The following CCDC88C variants were observed in gnomAD, a reference collection of about 807,000 sequenced individuals.
The protein encoded by CCDC88C is protein Daple.
Under a neutral mutation model 198.8 loss-of-function variants are expected in CCDC88C, and 131 were observed. The observed-to-expected ratio is 0.66, with a 90% CI of 0.57 to 0.76. The LOEUF (loss-of-function observed/expected upper bound fraction) is 0.76. Ranked by LOEUF, CCDC88C falls within the 30% of genes least tolerant of loss-of-function variation. The probability of loss-of-function intolerance (pLI) is 0.00; values close to 1 mark genes in which losing one functional copy is unlikely to be tolerated. For missense variants in CCDC88C, 2,553 were observed against 2,631.6 expected, an observed-to-expected ratio of 0.97 and a Z score of 0.65; for synonymous variants, 1,166 against 1,114.7, an observed-to-expected ratio of 1.05 and a Z score of -0.92.
chr14:91,379,846 C>T (rs1702549628), intron 3 of CCDC88C: 1 of 702,940 alleles, frequency 1.4e-6, no homozygotes, highest in African/African-American at 1.7e-5. Flanking sequence ...AACGCTGTGT[C>T]TGCCCGCAAG....
chr14:91,327,819 C>T (rs934505670), intron 10 of CCDC88C, among the ~76,000 whole-genome samples: 2 of 152,184 alleles, frequency 1.3e-5, no homozygotes, highest in Non-Finnish European at 2.9e-5. Flanking sequence ...TCACTACCCT[C>T]AGGCCCTGAG....
At chr14:91,399,088 C>T (rs1218444595) in intron 3 of CCDC88C, among the ~76,000 whole-genome samples, 2 of 152,166 alleles carry the variant, frequency 1.3e-5, no homozygotes, top group African/African-American at 4.8e-5. Flanking sequence ...TGGGGAGTCC[C>T]ATGTGCTCTG....
chr14:91,302,090 A>C (rs1022920540), intron 20 of CCDC88C, among the ~76,000 whole-genome samples: 3 of 152,178 alleles, frequency 2.0e-5, no homozygotes, highest in Admixed American at 2.0e-4. Flanking sequence ...TAGAGACAAA[A>C]AGGAAGCACT....
intron 13 of CCDC88C, among the ~76,000 whole-genome samples, chr14:91,316,329 C>T (rs888442163): frequency 6.6e-5 from 10 of 152,198 alleles, no homozygotes; most frequent in African/African-American, 1.9e-4. Context: ...CCCACCTGTT[C>T]GCAGCCCTCC....
At chr14:91,293,855 T>C (rs1890879407) in intron 23 of CCDC88C, among the ~76,000 whole-genome samples, 1 of 152,232 alleles carries the variant, frequency 6.6e-6, no homozygotes, top group African/African-American at 2.4e-5. Flanking sequence ...AGCCTTCAGT[T>C]TGAATTCTCC....
chr14:91,298,545 T>A (rs1310897067), intron 21 of CCDC88C, among the ~76,000 whole-genome samples: 3 of 150,604 alleles, frequency 2.0e-5, no homozygotes, highest in Non-Finnish European at 3.0e-5. Context: ...AAAAAAAAAA[T>A]TTAGTGGCCA....
intron 2 of CCDC88C, 141 bp downstream of exon 2, chr14:91,416,597 T>C (rs1753356601): frequency 2.9e-6 from 2 of 693,934 alleles, no homozygotes; most frequent in African/African-American, 1.8e-5. Flanking sequence ...GGCACGTTAA[T>C]ACTGAGATAC....
At chr14:91,365,108 G>C (rs1894473648) in intron 3 of CCDC88C, among the ~76,000 whole-genome samples, 1 of 152,148 alleles carries the variant, frequency 6.6e-6, no homozygotes, top group Non-Finnish European at 1.5e-5. Context: ...GCTGGCTCCA[G>C]GAGGCCACAG....
chr14:91,303,659 A>C, intron 20 of CCDC88C, 42 bp downstream of exon 20: 2 of 1,495,544 alleles, frequency 1.3e-6, no homozygotes, highest in Admixed American at 2.1e-5. Flanking sequence ...TCTCCTCTGG[A>C]CTCTACCCCT....
Position 91,273,263 on chromosome 14 carries a change from C to T in CCDC88C, c.5449G>A (p.Gly1817Arg), listed in dbSNP as rs558167459. ...GACTCCTGTTTGCAGGCCTCTGGCC[C>T]GCTGGCCCGGAGAAGGTCAGCTGAG... ...LASADLLRAS[G>R]PEACKQESPQ... Residue 1817 changes from glycine (G) to arginine (R), a missense_variant, in exon 30 of 30, where the codon GGG (glycine) becomes AGG (arginine). Physicochemically the swap from Gly to Arg is moderately radical, Grantham distance 125 (BLOSUM62 -2). Coordinates refer to ENST00000389857, the MANE Select transcript of CCDC88C (RefSeq NM_001080414.4). This position sits in a 1 kb window ranked among gnomAD's most constrained non-coding sequence, Gnocchi z 5.6. The T allele has an allele frequency of 2.2e-5, 35 of 1,558,870 alleles. No individual in the cohort carries two copies. Among genetic ancestry groups the T allele is most frequent in the East Asian group, 1.4e-4 (6 of 41,768 alleles).
chr14:91,290,798 A>C (rs1422409842), intron 24 of CCDC88C, among the ~76,000 whole-genome samples, 197 bp downstream of exon 24: 1 of 152,226 alleles, frequency 6.6e-6, no homozygotes, highest in Admixed American at 6.5e-5. Flanking sequence ...TGGGGTCACC[A>C]GACATTGGCC....
In CCDC88C at chr14:91,272,567, G is replaced by A. The variant is rs924916006; in HGVS notation, c.*58C>T. The A allele has an allele frequency of 6.0e-5, 91 of 1,527,836 alleles. No individual in the cohort carries two copies. The highest frequency in any genetic ancestry group is 2.6e-4 in the Admixed American group (14 of 54,378). 94.6% of individuals were successfully genotyped at this position (1,527,836 alleles called of 1,614,324 possible). A position where few individuals can be genotyped will look rare whatever the true frequency, so the allele number is the denominator to read the frequency against. On this transcript the variant is annotated 3_prime_UTR_variant, in exon 30 of 30. Transcript: ENST00000389857. ...CCGCAGGCAAGCAAGAGAAAAGGCCGTGAGAGTCGGAAGGCGCGTCAGTAG... is the reference window on the plus strand; with the variant it reads ...CCGCAGGCAAGCAAGAGAAAAGGCCATGAGAGTCGGAAGGCGCGTCAGTAG...
At chr14:91,408,931 C>T (rs1384969240) in intron 2 of CCDC88C, among the ~76,000 whole-genome samples, 164 bp from the exon 3 acceptor site, 1 of 152,136 alleles carries the variant, frequency 6.6e-6, no homozygotes, top group Non-Finnish European at 1.5e-5. Flanking sequence ...ACTGCTAAGC[C>T]AGGACCTCAG....
At position 91,338,452 on chromosome 14, in the gene CCDC88C, T is replaced by C. The variant is rs951272739; in HGVS notation, c.891+37A>G. 5 of 1,524,678 alleles carry C rather than the reference T, an allele frequency of 3.3e-6. No homozygotes were observed. The highest frequency in any genetic ancestry group is 4.5e-6 in the Non-Finnish European group (5 of 1,122,418). 94.4% of individuals were successfully genotyped at this position (1,524,678 alleles called of 1,614,324 possible). A position where few individuals can be genotyped will look rare whatever the true frequency, so the allele number is the denominator to read the frequency against. ...CCGTTACTGGACACTCCAGCCCTGC[T>C]ACCCCCAGGACACACAGGCTCAGGC... is the stretch of plus-strand genomic sequence containing the variant. On this transcript the variant is annotated intron_variant, in intron 9 of 29. Coordinates refer to ENST00000389857, the MANE Select transcript of CCDC88C (RefSeq NM_001080414.4). This position sits in a 1 kb window ranked among gnomAD's most constrained non-coding sequence, Gnocchi z 4.8.
chr14:91,392,261 T>A (rs891960240), intron 3 of CCDC88C, among the ~76,000 whole-genome samples: 6 of 152,002 alleles, frequency 3.9e-5, no homozygotes, highest in Admixed American at 3.9e-4. Flanking sequence ...TGGCTTCAGA[T>A]CACCCTTTCC....
chr14:91,307,261 CG>C (rs772069748), intron 17 of CCDC88C, 35 bp from the exon 18 acceptor site: 1 of 1,600,438 alleles, frequency 6.2e-7, no homozygotes, highest in Non-Finnish European at 8.5e-7. Context: ...AGGCTTTAGG[CG>C]GAAGCAGCCT....
At chr14:91,409,364 GAGACAGGGTCT>G (rs1244420992) in intron 2 of CCDC88C, among the ~76,000 whole-genome samples, 5 of 151,556 alleles carry the variant, frequency 3.3e-5, no homozygotes. Flanking sequence ...TTTTTTTATA[GAGACAGGGTCT>G]CACTATGTTG....
chr14:91,416,632 A>G (rs1596181757), intron 2 of CCDC88C, 106 bp downstream of exon 2: 1 of 800,060 alleles, frequency 1.2e-6, no homozygotes, highest in Non-Finnish European at 2.1e-6. Context: ...TCAGAGAACT[A>G]CCCCCCACCC....
chr14:91,344,758 C>T (rs961194327), intron 4 of CCDC88C, among the ~76,000 whole-genome samples: 1 of 151,872 alleles, frequency 6.6e-6, no homozygotes, highest in African/African-American at 2.4e-5. Context: ...CTCAGCCTCC[C>T]AAAGTGCTGG....
Sources: allele counts gnomAD v4.1 joint callset (sites outside exome capture counted in the v4.1 genomes callset), GRCh38; gene constraint gnomAD v4.1.1; non-coding constraint Gnocchi (gnomAD v3.1); transcripts MANE v1.5; gene names NCBI Gene and HGNC (gene_info 2026-07-23, HGNC 2026-07-21).